Variants in WDFY4 observed in about 807,000 individuals in gnomAD.
WDFY4 encodes the protein WD repeat- and FYVE domain-containing protein 4.
A neutral mutation model predicts 351.9 loss-of-function variants in WDFY4; 169 were observed. The ratio of observed to expected loss-of-function variants is 0.48; its 90% confidence interval spans 0.42 to 0.55. The LOEUF (loss-of-function observed/expected upper bound fraction) is 0.55, where lower values mean the gene tolerates loss of function less well. WDFY4 is among the 20% of genes least tolerant of loss of function. The probability of loss-of-function intolerance (pLI) is 0.00; values close to 1 mark genes in which losing one functional copy is unlikely to be tolerated. For synonymous variants in WDFY4, 1,622 were observed against 1,574.6 expected (o/e 1.03, Z -0.71); for missense variants, 3,803 against 3,935.6 (o/e 0.97, Z 0.90).
At chr10:48,729,668 TC>T in intron 8 of WDFY4, 79 bp downstream of exon 8, 1 of 1,497,754 alleles carries the variant, frequency 6.7e-7, no homozygotes, top group Non-Finnish European at 9.0e-7. Flanking sequence ...TTCTCCTGAT[TC>T]TTTGTGTACC....
intron 47 of WDFY4, among the ~76,000 whole-genome samples, chr10:48,913,064 C>A (rs74716021): frequency 2.6e-5 from 4 of 152,190 alleles, no homozygotes; most frequent in East Asian, 3.9e-4. Flanking sequence ...GAGTGTGTGG[C>A]GGCATTAGCT....
chr10:48,699,399 C>T (rs1266329871), intron 1 of WDFY4, among the ~76,000 whole-genome samples: 1 of 152,232 alleles, frequency 6.6e-6, no homozygotes. Flanking sequence ...CACGCATACA[C>T]ACCAGAGCTC....
intron 32 of WDFY4, among the ~76,000 whole-genome samples, chr10:48,819,521 G>A (rs1182547120): frequency 2.0e-4 from 30 of 152,160 alleles, no homozygotes; most frequent in Non-Finnish European, 4.1e-4. Context: ...AGAAGTTCAC[G>A]GGCTGGGAGT....
intron 12 of WDFY4, among the ~76,000 whole-genome samples, chr10:48,756,784 G>A (rs1057242936): frequency 2.6e-5 from 4 of 152,002 alleles, no homozygotes; most frequent in African/African-American, 7.2e-5. Context: ...TTGCATTTAC[G>A]GGTAGTCCAA....
rs1341299491 is a variant in WDFY4, at chr10:48,743,104, T to C, written c.2015T>C (p.Val672Ala). ...QEPPLQAWGA[V>A]SPRQTLELVL... is the part of the protein sequence containing the mutation. ...CCCCCGCTGCAGGCATGGGGAGCAGTATCCCCCAGACAGACCCTGGAGCTG... is the reference window on the plus strand; with the variant it reads ...CCCCCGCTGCAGGCATGGGGAGCAGCATCCCCCAGACAGACCCTGGAGCTG... Residue 672 changes from valine to alanine, a missense_variant, in exon 12 of 62, where the codon GTA becomes GCA. Val to Ala is a moderately conservative substitution (Grantham distance 64). This residue lies in a region of WDFY4 where 3,054 missense variants were observed against 3,148.6 expected (regional missense o/e 0.97). Transcript: ENST00000325239. The C allele has an allele frequency of 1.9e-6, 3 of 1,551,712 alleles. No individual in the cohort carries two copies. The highest frequency in any genetic ancestry group is 2.6e-6 in the Non-Finnish European group (3 of 1,146,992).
intron 9 of WDFY4, 68 bp from the exon 10 acceptor site, chr10:48,733,863 G>T: frequency 7.3e-7 from 1 of 1,362,686 alleles, no homozygotes; most frequent in South Asian, 1.3e-5. Flanking sequence ...TAGAAAGCTG[G>T]AGTCAGAGAT....
At chr10:48,972,894 G>C (rs1244935744) in intron 57 of WDFY4, among the ~76,000 whole-genome samples, 5 of 152,168 alleles carry the variant, frequency 3.3e-5, no homozygotes, top group African/African-American at 1.2e-4. Context: ...TGATATAATG[G>C]AGTTATTTTA....
At chr10:48,850,892 C>T in intron 39 of WDFY4, among the ~76,000 whole-genome samples, 1 of 152,194 alleles carries the variant, frequency 6.6e-6, no homozygotes. Flanking sequence ...GGAATAAAGG[C>T]CTGGAAATAT....
At position 48,957,241 on chromosome 10, in the gene WDFY4, A is replaced by G. The variant is rs1391134890; in HGVS notation, c.8090A>G (p.Tyr2697Cys). 1 of 1,551,694 alleles carries G rather than the reference A, an allele frequency of 6.4e-7. No homozygotes were observed. The highest frequency in any genetic ancestry group is 8.7e-7 in the Non-Finnish European group (1 of 1,146,974). The change falls in exon 52 of 62, where the codon TAC (tyrosine) becomes TGC (cysteine). Residue 2697 changes from tyrosine to cysteine, a missense_variant. Physicochemically the swap from Tyr to Cys is radical, Grantham distance 194. Around this residue, in one of 3 missense-constraint regions of WDFY4, gnomAD observed 3,054 missense variants for 3,148.6 expected, o/e 0.97. Coordinates refer to ENST00000325239, the MANE Select transcript of WDFY4 (RefSeq NM_001394531.1). ...DVRELTPEFF[Y>C]LPEFLTNCNG... The stretch of plus-strand genomic sequence containing the variant: ...AGGGAGCTGACCCCAGAGTTCTTCT[A>G]CCTGCCTGAGTTCTTAACCAACTGC...
intron 43 of WDFY4, among the ~76,000 whole-genome samples, chr10:48,887,420 A>G (rs915356701): frequency 6.6e-6 from 1 of 152,204 alleles, no homozygotes. Flanking sequence ...GTGGGAGGGT[A>G]ATCTGGCAAT....
chr10:48,820,398 C>T lies in WDFY4; in HGVS notation c.5670C>T (p.Ser1890=). The T allele has an allele frequency of 6.4e-7, 1 of 1,551,522 alleles. No homozygotes were observed. The highest frequency in any genetic ancestry group is 1.4e-5 in the African/African-American group (1 of 73,132). ...LLLRELLLGA[S]SPKQWLPLEV... ...TGAGGGAGCTCCTGCTTGGAGCCTC[C>T]AGCCCCAAGCAGTGGCTGCCCCTGG... Residue 1890 remains serine, a synonymous_variant, in exon 33 of 62, where the codon TCC becomes TCT. Coordinates refer to ENST00000325239, the MANE Select transcript of WDFY4 (RefSeq NM_001394531.1).
At chr10:48,959,853 T>G in intron 53 of WDFY4, 40 bp downstream of exon 53, 1 of 1,513,318 alleles carries the variant, frequency 6.6e-7, no homozygotes, top group Non-Finnish European at 8.9e-7. Flanking sequence ...GCTGGGGACC[T>G]GAACATCCCC....
chr10:48,720,318 G>A (rs1300102300), intron 3 of WDFY4, among the ~76,000 whole-genome samples, 193 bp downstream of exon 3: 1 of 152,080 alleles, frequency 6.6e-6, no homozygotes, highest in Non-Finnish European at 1.5e-5. Flanking sequence ...GAGGGGTCGG[G>A]GAGCCCTGCT....
intron 61 of WDFY4, 104 bp from the exon 62 acceptor site, chr10:48,982,405 C>T (rs1451386314): frequency 1.6e-5 from 17 of 1,031,212 alleles, no homozygotes; most frequent in African/African-American, 1.1e-4. Context: ...GGGCAAGCTC[C>T]GCTGGGCCCC....
chr10:48,736,481 A>C (rs2064671993), intron 11 of WDFY4, among the ~76,000 whole-genome samples: 1 of 152,236 alleles, frequency 6.6e-6, no homozygotes, highest in Admixed American at 6.5e-5. Flanking sequence ...GATGCTAGGA[A>C]ATGTTTTCCC....
chr10:48,737,890 C>T (rs1266385587), intron 11 of WDFY4, among the ~76,000 whole-genome samples: 1 of 152,202 alleles, frequency 6.6e-6, no homozygotes, highest in Non-Finnish European at 1.5e-5. Flanking sequence ...GGCAGAGAGA[C>T]ATCCAGAGAG....
intron 40 of WDFY4, among the ~76,000 whole-genome samples, chr10:48,869,043 G>A (rs577910613): frequency 6.6e-6 from 1 of 152,286 alleles, no homozygotes; most frequent in East Asian, 1.9e-4. Context: ...ATCAGCATTT[G>A]GAAGCTAATC....
At chr10:48,912,756 CA>C (rs1726304914) in intron 47 of WDFY4, among the ~76,000 whole-genome samples, 2 of 152,216 alleles carry the variant, frequency 1.3e-5, no homozygotes, top group African/African-American at 2.4e-5. Context: ...CATTCACAGC[CA>C]GTCAGAGGTC....
chr10:48,685,418 C>T (rs1000425546), intron 1 of WDFY4, among the ~76,000 whole-genome samples: 2 of 152,168 alleles, frequency 1.3e-5, no homozygotes, highest in Admixed American at 6.5e-5. Context: ...CAGTGAGGCT[C>T]GCCCTCCAAG....
Sources: gnomAD v4.1 joint callset for allele counts (sites outside exome capture counted in the v4.1 genomes callset) on GRCh38, gnomAD v4.1.1 for gene constraint, gnomAD v4.1.1 regional missense constraint, MANE v1.5 for transcripts, NCBI Gene and HGNC (gene_info 2026-07-23, HGNC 2026-07-21) for gene names.